Variants in NASP observed in about 807,000 individuals in gnomAD.
NASP encodes the protein NASP histone chaperone.
In NASP, 24 loss-of-function variants were observed where a neutral mutation model predicts 89.5. The ratio of observed to expected loss-of-function variants is 0.27; its 90% CI spans 0.19 to 0.38. NASP has a LOEUF of 0.38. Ranked by LOEUF, NASP falls within the 10% of genes least tolerant of loss-of-function variation. NASP has a pLI of 1.00. For missense variants in NASP, 848 were observed against 921.4 expected (o/e 0.92, Z 1.03); for synonymous variants, 306 against 324.7 (o/e 0.94, Z 0.62).
rs552750370 is a variant in NASP, at chr1:45,600,737, T to C, written c.108-1518T>C. ...ATGGCTAGATCATATGGTAGGTATA[T>C]ATCTAACTTTAAGAAACGTCCAAAC... On this transcript the variant is annotated intron_variant, in intron 2 of 14. Coordinates refer to ENST00000350030, the MANE Select transcript of NASP (RefSeq NM_002482.4). 1.1e-4 allele frequency among the ~76,000 whole-genome samples: 17 copies of C among 152,342 alleles called. No individual in the cohort carries two copies. The South Asian group carries it at 3.5e-3, about 32-fold the overall frequency.
chr1:45,618,113 G>A lies in NASP; in HGVS notation c.2339G>A (p.Gly780Glu). 6.2e-7 allele frequency: 1 copy of A among 1,600,710 alleles called. No individual in the cohort carries two copies. Among genetic ancestry groups the A allele is most frequent in the Non-Finnish European group, 8.5e-7 (1 of 1,173,402 alleles). Residue 780 changes from glycine to glutamate, a missense_variant, in exon 15 of 15, where the codon GGA becomes GAA. This residue lies in a region of NASP where 218 missense variants were observed against 219.6 expected (regional missense o/e 0.99). Transcript: ENST00000350030. ...GCAGTGGAGGGGACAGTGGAGGCTG[G>A]AGCTACAGTTGAAAGCACTGCATGT... ...RAAVEGTVEA[G>E]ATVESTAC
intron 2 of NASP, chr1:45,594,654 G>A (rs1040345150): frequency 4.5e-6 from 2 of 446,598 alleles, no homozygotes; most frequent in Non-Finnish European, 4.5e-6. Context: ...TCACAGATGT[G>A]TGCCACTATG....
chr1:45,584,714 G>T (rs986294868), intron 1 of NASP, among the ~76,000 whole-genome samples: 2 of 152,114 alleles, frequency 1.3e-5, no homozygotes, highest in African/African-American at 4.8e-5. Context: ...GGGGTTTTGC[G>T]CGCGTGCGTT....
At chr1:45,606,742 T>C in intron 5 of NASP, 151 bp downstream of exon 5, 1 of 509,652 alleles carries the variant, frequency 2.0e-6, no homozygotes, top group South Asian at 3.3e-5. Context: ...GCAGTGGGGA[T>C]AGCTGTTTAC....
At chr1:45,599,209 G>T (rs1440960050) in intron 2 of NASP, among the ~76,000 whole-genome samples, 1 of 151,950 alleles carries the variant, frequency 6.6e-6, no homozygotes, top group Non-Finnish European at 1.5e-5. Flanking sequence ...GTTCACTGCA[G>T]CCTTGAATTC....
chr1:45,606,358 T>A, intron 4 of NASP, 124 bp from the exon 5 acceptor site: 1 of 631,812 alleles, frequency 1.6e-6, no homozygotes, highest in South Asian at 2.0e-5. Flanking sequence ...ATATACATAG[T>A]TTTGTATTGC....
In NASP at chr1:45,608,076, C is replaced by G. The variant is rs1643940980; in HGVS notation, c.1165C>G (p.Gln389Glu). The change falls in exon 6 of 15, where the codon CAG (glutamine) becomes GAG (glutamate). Residue 389 changes from glutamine to glutamate, a missense_variant. By Grantham distance (29) the Gln-to-Glu change is conservative. Around this residue, in one of 5 missense-constraint regions of NASP, gnomAD observed 464 missense variants for 469.4 expected, o/e 0.99. Coordinates refer to ENST00000350030, the MANE Select transcript of NASP (RefSeq NM_002482.4). ...CAATGGACCGTCAGTTGTAGGAGAT[C>G]AGACTCCTATTGAACCACAGACTTC... ...AVNGPSVVGD[Q>E]TPIEPQTSIE... The G allele has an allele frequency of 6.2e-7, 1 of 1,613,998 alleles. No homozygotes were observed. The highest frequency in any genetic ancestry group is 1.1e-5 in the South Asian group (1 of 91,080).
chr1:45,586,055 A>C (rs1423222977), intron 1 of NASP, among the ~76,000 whole-genome samples: 1 of 152,086 alleles, frequency 6.6e-6, no homozygotes, highest in Non-Finnish European at 1.5e-5. Flanking sequence ...CAGGTTATAC[A>C]TAGAGAAAGT....
intron 2 of NASP, among the ~76,000 whole-genome samples, chr1:45,597,660 TACTG>T (rs1011076863): frequency 3.3e-5 from 5 of 152,182 alleles, no homozygotes; most frequent in Admixed American, 1.3e-4. Context: ...GTATGGCAAA[TACTG>T]ACAGATATAA....
Position 45,618,048 on chromosome 1 carries a change from G to GT in NASP, c.2287-10dup, listed in dbSNP as rs749629026. The GT allele has an allele frequency of 5.0e-6, 8 of 1,593,512 alleles. No homozygotes were observed. In the South Asian group the frequency reaches 9.1e-5, roughly 18 times the overall value. ...CTAGGCTCACTCATGCCCAGGTTCT[G>GT]TTTGTCTTCCAGGCTGAGAATCAGG... On this transcript the variant is annotated splice_polypyrimidine_tract_variant and intron_variant, in intron 14 of 14. Coordinates refer to ENST00000350030, the MANE Select transcript of NASP (RefSeq NM_002482.4).
chr1:45,586,273 TGTGTGTGTGTG>T (rs1279971152), intron 1 of NASP, among the ~76,000 whole-genome samples: 19 of 58,682 alleles, frequency 3.2e-4, no homozygotes, highest in Admixed American at 1.4e-3. Flanking sequence ...TGTGTGTGTG[TGTGTGTGTGTG>T]GTGTGTGTGT....
Position 45,606,136 on chromosome 1 carries a change from T to C in NASP, c.300-346T>C, listed in dbSNP as rs77678133. Among the ~76,000 whole-genome samples the C allele has an allele frequency of 5.6e-4, 86 of 152,322 alleles. No individual in the cohort carries two copies. In the East Asian group the frequency reaches 0.013, roughly 23 times the overall value. On this transcript the variant is annotated intron_variant, in intron 4 of 14. Coordinates refer to ENST00000350030, the MANE Select transcript of NASP (RefSeq NM_002482.4). ...TTTCTCATGATTTGCCGTGAAAATC[T>C]TGCTAGAGTATTTTTGGCTATTTAG...
chr1:45,586,265 TGTGTGTGTGTGTGTGTGTG>T lies in NASP; in HGVS notation c.59+2080_59+2098del, dbSNP rs1209576200. 8.1e-4 allele frequency among the ~76,000 whole-genome samples: 54 copies of T among 66,780 alleles called. No individual in the cohort carries two copies. In the East Asian group the frequency reaches 0.011, roughly 14 times the overall value. The allele number at this position is 66,780 out of a possible 152,430, so 43.8% of individuals were successfully genotyped here. A position where few individuals can be genotyped will look rare whatever the true frequency, so the allele number is the denominator to read the frequency against. ...GTGTGTGTGTGTGTGTGTGTGTGTGTGTGTGTGTGTGTGTGTGTGGTGTGTGTGTGTGTGTGTGTGTGTG... is the reference window on the plus strand; with the variant it reads ...GTGTGTGTGTGTGTGTGTGTGTGTGTGTGTGTGTGTGTGTGTGTGTGTGTG... On this transcript the variant is annotated intron_variant, in intron 1 of 14. Coordinates refer to ENST00000350030, the MANE Select transcript of NASP (RefSeq NM_002482.4).
intron 4 of NASP, among the ~76,000 whole-genome samples, chr1:45,606,127 G>A (rs1441751193): frequency 2.6e-5 from 4 of 152,172 alleles, no homozygotes; most frequent in South Asian, 2.1e-4. Context: ...ATGATTTGCC[G>A]TGAAAATCTT....
In NASP at chr1:45,585,374, T is replaced by G. The variant is rs377195770; in HGVS notation, c.59+1169T>G. Among the ~76,000 whole-genome samples, 5 of 152,350 alleles carry G rather than the reference T, an allele frequency of 3.3e-5. No homozygotes were observed. In the South Asian group the frequency reaches 1.0e-3, roughly 32 times the overall value. On this transcript the variant is annotated intron_variant, in intron 1 of 14. Transcript: ENST00000350030. ...ATAGGCTTACACTCTGTCATGATTA[T>G]GTCTTTGTTTGTTTATAGTTAGAGA...
Position 45,617,610 on chromosome 1 carries a change from C to A in NASP, c.2286+19C>A, listed in dbSNP as rs762750224. On this transcript the variant is annotated intron_variant, in intron 14 of 14. Coordinates refer to ENST00000350030, the MANE Select transcript of NASP (RefSeq NM_002482.4). ...GGAGGAGGTGGGCAGTTAAGCAGGG[C>A]TTAGCCTCTTGCCTCATTCCTTGTT... is the stretch of plus-strand genomic sequence containing the variant. 4 of 1,558,854 alleles carry A rather than the reference C, an allele frequency of 2.6e-6. No homozygotes were observed. The highest frequency in any genetic ancestry group is 3.5e-6 in the Non-Finnish European group (4 of 1,158,440).
rs142827446 is a variant in NASP, at chr1:45,617,859, T to G, written c.2287-202T>G. Among the ~76,000 whole-genome samples the G allele has an allele frequency of 3.3e-5, 5 of 152,330 alleles. 1 individual carries two copies. Among genetic ancestry groups the G allele is most frequent in the Middle Eastern group, 6.8e-3 (2 of 294 alleles). ...GGGCAAAACCATTAGGTCACTTCCT[T>G]CCACGTGATGATTATTGGCTCTGTC... is the stretch of plus-strand genomic sequence containing the variant. On this transcript the variant is annotated intron_variant, in intron 14 of 14. Coordinates refer to ENST00000350030, the MANE Select transcript of NASP (RefSeq NM_002482.4).
intron 2 of NASP, among the ~76,000 whole-genome samples, chr1:45,599,000 G>A (rs981046668): frequency 2.0e-5 from 3 of 152,134 alleles, no homozygotes; most frequent in Non-Finnish European, 2.9e-5. Flanking sequence ...TATATATCTA[G>A]TCCATTAGCA....
At chr1:45,588,957 G>GTGTTTGTTTGTTTGTTTGTT (rs56181355) in intron 1 of NASP, 4 of 161,090 alleles carry the variant, frequency 2.5e-5, no homozygotes, top group Non-Finnish European at 4.1e-5. Context: ...AGGTGGTCAA[G>GTGTTTGTTTGTTTGTTTGTT]TGTTTGTTTG....
Sources: gnomAD v4.1 joint callset for allele counts (sites outside exome capture counted in the v4.1 genomes callset) on GRCh38, gnomAD v4.1.1 for gene constraint, gnomAD v4.1.1 regional missense constraint, MANE v1.5 for transcripts, NCBI Gene and HGNC (gene_info 2026-07-23, HGNC 2026-07-21) for gene names.